Variants in ASTN2 observed in about 807,000 individuals in gnomAD.
The protein encoded by ASTN2 is astrotactin-2.
A neutral mutation model predicts 139.8 loss-of-function variants in ASTN2; 54 were observed. The ratio of observed to expected loss-of-function variants is 0.39; its 90% confidence interval spans 0.31 to 0.48. The LOEUF is 0.48. ASTN2 is among the 20% of genes least tolerant of loss of function. ASTN2 has a pLI of 0.95. For synonymous variants in ASTN2, 756 were observed against 719.5 expected (o/e 1.05, Z -0.81); for missense variants, 1,565 against 1,725.1 (o/e 0.91, Z 1.64).
chr9:116,938,766 T>C (rs988431247), intron 10 of ASTN2, among the ~76,000 whole-genome samples: 1 of 152,192 alleles, frequency 6.6e-6, no homozygotes, highest in African/African-American at 2.4e-5. Context: ...TTGCTTTAAG[T>C]ACACAGGGGC....
intron 19 of ASTN2, among the ~76,000 whole-genome samples, chr9:116,547,029 T>C (rs1265118089): frequency 6.6e-6 from 1 of 152,234 alleles, no homozygotes; most frequent in Non-Finnish European, 1.5e-5. Context: ...GGTGGTGTGA[T>C]ATTTATCTAG....
intron 10 of ASTN2, among the ~76,000 whole-genome samples, chr9:116,878,246 A>C (rs1243535256): frequency 6.6e-6 from 1 of 152,222 alleles, no homozygotes; most frequent in African/African-American, 2.4e-5. Flanking sequence ...ATAAAGATAC[A>C]TGGCATGTGT....
chr9:116,471,801 T>G (rs1848822461), intron 20 of ASTN2, among the ~76,000 whole-genome samples: 1 of 152,176 alleles, frequency 6.6e-6, no homozygotes, highest in Non-Finnish European at 1.5e-5. Context: ...AGGAAGAGGC[T>G]TGGTCTCCAA....
chr9:117,384,940 G>A lies in ASTN2; in HGVS notation c.442+29557C>T, dbSNP rs74643611. On this transcript the variant is annotated intron_variant, in intron 1 of 22. Coordinates refer to ENST00000313400, the MANE Select transcript of ASTN2 (RefSeq NM_001365068.1). Reference sequence around the variant, plus strand: ...GGATAAAAGGGAGTTTGGGAAAACTGGAGAACAGATAAATGGGATGATGGA... The same window carrying A: ...GGATAAAAGGGAGTTTGGGAAAACTAGAGAACAGATAAATGGGATGATGGA... Among the ~76,000 whole-genome samples the A allele has an allele frequency of 4.4e-3, 664 of 152,198 alleles. 2 individuals carry two copies. The highest frequency in any genetic ancestry group is 7.8e-3 in the Non-Finnish European group (530 of 68,004).
intron 19 of ASTN2, among the ~76,000 whole-genome samples, chr9:116,556,230 G>A (rs948498781): frequency 2.0e-5 from 3 of 152,200 alleles, no homozygotes; most frequent in South Asian, 4.1e-4. Flanking sequence ...GCTTCCAAGA[G>A]ACTGGGAAAA....
intron 13 of ASTN2, among the ~76,000 whole-genome samples, chr9:116,786,626 A>T (rs1215407456): frequency 6.6e-6 from 1 of 152,204 alleles, no homozygotes; most frequent in Non-Finnish European, 1.5e-5. Flanking sequence ...GGGGAAAAGG[A>T]TAGAAAAAAA....
At chr9:117,066,183 C>A (rs1358504321) in intron 5 of ASTN2, among the ~76,000 whole-genome samples, 2 of 113,108 alleles carry the variant, frequency 1.8e-5, no homozygotes, top group African/African-American at 3.4e-5. Context: ...CCCACCCCAC[C>A]ACAGTCCCCA....
intron 5 of ASTN2, among the ~76,000 whole-genome samples, chr9:117,045,579 T>C (rs1048313846): frequency 3.9e-5 from 6 of 152,138 alleles, no homozygotes; most frequent in Non-Finnish European, 7.4e-5. Context: ...CGGAAATAAC[T>C]CAGTGTTGTT....
intron 19 of ASTN2, among the ~76,000 whole-genome samples, chr9:116,498,776 C>A (rs916951737): frequency 6.6e-6 from 1 of 152,152 alleles, no homozygotes; most frequent in African/African-American, 2.4e-5. Context: ...ACTTCTGATA[C>A]ATATGCCAAT....
At chr9:116,437,218 C>G in intron 22 of ASTN2, 1 of 409,098 alleles carries the variant, frequency 2.4e-6, no homozygotes, top group Non-Finnish European at 4.9e-6. Context: ...AAAAATACCA[C>G]TGTTCTAGTT....
At position 116,609,328 on chromosome 9, in the gene ASTN2, C is replaced by CTA. The variant is rs1554720155; in HGVS notation, c.3355+8994_3355+8995dup. ...TCTCTCTCTCTCTCTCTCTCTCTCT[C>CTA]TATATATATATACACACACACACAT... On this transcript the variant is annotated intron_variant, in intron 19 of 22. Transcript: ENST00000313400. 3.4e-3 allele frequency among the ~76,000 whole-genome samples: 422 copies of CTA among 122,512 alleles called. 2 individuals are homozygous for CTA. The highest frequency in any genetic ancestry group is 8.1e-3 in the African/African-American group (257 of 31,582). 80.4% of individuals were successfully genotyped at this position (122,512 alleles called of 152,430 possible). A position where few individuals can be genotyped will look rare whatever the true frequency, so the allele number is the denominator to read the frequency against.
intron 17 of ASTN2, among the ~76,000 whole-genome samples, chr9:116,649,079 A>C (rs1355397753): frequency 6.6e-6 from 1 of 152,118 alleles, no homozygotes; most frequent in Non-Finnish European, 1.5e-5. Flanking sequence ...GAGTACTTAC[A>C]TGTAACATAT....
chr9:117,265,744 T>C (rs1322427656), intron 2 of ASTN2, among the ~76,000 whole-genome samples: 2 of 151,768 alleles, frequency 1.3e-5, no homozygotes, highest in African/African-American at 2.4e-5. Flanking sequence ...ATCACTCCAC[T>C]GATGCAAGTA....
At chr9:116,624,369 AG>A (rs769061701) in intron 17 of ASTN2, among the ~76,000 whole-genome samples, 3 of 152,196 alleles carry the variant, frequency 2.0e-5, no homozygotes, top group Non-Finnish European at 4.4e-5. Flanking sequence ...AAACTAAGAA[AG>A]GGAATGAACA....
chr9:116,962,703 G>C (rs577121169), intron 10 of ASTN2, among the ~76,000 whole-genome samples: 1 of 151,942 alleles, frequency 6.6e-6, no homozygotes, highest in Non-Finnish European at 1.5e-5. Flanking sequence ...TTTTAATTTC[G>C]TTGCATCTAC....
At chr9:117,329,670 G>C (rs1375301907) in intron 1 of ASTN2, among the ~76,000 whole-genome samples, 1 of 152,130 alleles carries the variant, frequency 6.6e-6, no homozygotes, top group Non-Finnish European at 1.5e-5. Flanking sequence ...CCTTCTCCAA[G>C]ATCACTTGGC....
At chr9:116,939,043 C>A (rs1835155568) in intron 10 of ASTN2, among the ~76,000 whole-genome samples, 2 of 152,200 alleles carry the variant, frequency 1.3e-5, no homozygotes, top group Admixed American at 1.3e-4. Flanking sequence ...GTAGTACTAA[C>A]TCAGAAATGC....
At chr9:117,325,098 G>T (rs1828471448) in intron 1 of ASTN2, among the ~76,000 whole-genome samples, 1 of 152,112 alleles carries the variant, frequency 6.6e-6, no homozygotes, top group Admixed American at 6.6e-5. Context: ...ATAACAGAGA[G>T]TGGAATCATC....
intron 16 of ASTN2, among the ~76,000 whole-genome samples, chr9:116,681,020 C>T (rs912962700): frequency 7.2e-5 from 11 of 152,078 alleles, no homozygotes; most frequent in Admixed American, 4.6e-4. Context: ...GAAGTTCTGG[C>T]CAGGGCAATT....
Sources: gnomAD v4.1 joint callset for allele counts (sites outside exome capture counted in the v4.1 genomes callset) on GRCh38, gnomAD v4.1.1 for gene constraint, MANE v1.5 for transcripts, NCBI Gene and HGNC (gene_info 2026-07-23, HGNC 2026-07-21) for gene names.